The following ZNF804B variants were observed in gnomAD, a reference collection of about 807,000 sequenced individuals.
ZNF804B encodes the protein zinc finger protein 804B, also known as zinc finger 804B.
Under a neutral mutation model 101.4 loss-of-function variants are expected in ZNF804B, and 80 were observed. That is an observed-to-expected ratio of 0.79 (90% confidence interval 0.66 to 0.95). The LOEUF is 0.95. ZNF804B is among the 40% of genes least tolerant of loss of function. The pLI, the probability that ZNF804B is intolerant of heterozygous loss-of-function variation, is 0.00. For missense variants in ZNF804B, 1,673 were observed against 1,561.9 expected (o/e 1.07, Z -1.20); for synonymous variants, 622 against 558.8 (o/e 1.11, Z -1.59).
chr7:89,176,607 T>TTCA (rs1783898442), intron 1 of ZNF804B, among the ~76,000 whole-genome samples: 1 of 146,548 alleles, frequency 6.8e-6, no homozygotes, highest in African/African-American at 2.5e-5. Context: ...TTTTTTTTTT[T>TTCA]TCATGTTTCC....
intron 2 of ZNF804B, among the ~76,000 whole-genome samples, chr7:89,268,430 T>C (rs1013834041): frequency 2.0e-5 from 3 of 152,106 alleles, no homozygotes; most frequent in Admixed American, 6.6e-5. Flanking sequence ...TTCTTTAGAG[T>C]CTCTTCTCTG....
intron 2 of ZNF804B, among the ~76,000 whole-genome samples, chr7:89,319,294 TTAAGGGAA>T (rs1790778432): frequency 1.3e-5 from 2 of 152,202 alleles, no homozygotes; most frequent in Non-Finnish European, 2.9e-5. Context: ...TTTTAAAAAA[TTAAGGGAA>T]TTTTGGCTTA....
At chr7:88,935,619 A>G (rs915722232) in intron 1 of ZNF804B, among the ~76,000 whole-genome samples, 18 of 151,944 alleles carry the variant, frequency 1.2e-4, no homozygotes, top group African/African-American at 4.1e-4. Flanking sequence ...TTTCCTGCAC[A>G]TGCTGTTTCT....
rs5012128 is a variant in ZNF804B, at chr7:89,274,249, C to T, written c.250-53095C>T. 4.3e-5 allele frequency among the ~76,000 whole-genome samples: 6 copies of T among 139,362 alleles called. 1 individual carries two copies. The highest frequency in any genetic ancestry group is 1.1e-4 in the African/African-American group (4 of 36,556). The allele number at this position is 139,362 out of a possible 152,430, so 91.4% of individuals were successfully genotyped here. On this transcript the variant is annotated intron_variant, in intron 2 of 3. Transcript: ENST00000333190. The stretch of plus-strand genomic sequence containing the variant: ...TATGTATACATGTGCCATGCTGGTG[C>T]GCTGCACCCACTAACTCGTCATCTA...
intron 1 of ZNF804B, among the ~76,000 whole-genome samples, chr7:89,055,063 G>A (rs1316501147): frequency 2.0e-5 from 3 of 152,090 alleles, no homozygotes; most frequent in African/African-American, 7.2e-5. Flanking sequence ...GAGTTAAAGA[G>A]TGATGGGGTG....
intron 1 of ZNF804B, among the ~76,000 whole-genome samples, chr7:88,904,594 T>C (rs1792440529): frequency 6.6e-6 from 1 of 152,170 alleles, no homozygotes; most frequent in African/African-American, 2.4e-5. Flanking sequence ...CATGGAATAT[T>C]TTTTATTTAT....
chr7:89,269,029 T>G (rs1303748915), intron 2 of ZNF804B, among the ~76,000 whole-genome samples: 1 of 152,064 alleles, frequency 6.6e-6, no homozygotes, highest in South Asian at 2.1e-4. Flanking sequence ...TATTTTTTGG[T>G]AATAGAAAAA....
intron 1 of ZNF804B, among the ~76,000 whole-genome samples, chr7:88,937,314 A>T (rs1313043510): frequency 6.6e-6 from 1 of 152,066 alleles, no homozygotes; most frequent in Non-Finnish European, 1.5e-5. Context: ...ATTTATAGAT[A>T]AAGAAATACT....
chr7:88,943,056 C>G (rs1369110766), intron 1 of ZNF804B, among the ~76,000 whole-genome samples: 1 of 151,886 alleles, frequency 6.6e-6, no homozygotes, highest in Non-Finnish European at 1.5e-5. Context: ...TGCTTGCCAG[C>G]TGCAAACCAC....
At chr7:88,854,544 T>TTCCC (rs1791524530) in intron 1 of ZNF804B, among the ~76,000 whole-genome samples, 1 of 109,744 alleles carries the variant, frequency 9.1e-6, no homozygotes, top group Non-Finnish European at 1.8e-5. Flanking sequence ...CCTTCCTTCC[T>TTCCC]TCCTTCCTTC....
At chr7:88,886,269 A>T (rs1350708156) in intron 1 of ZNF804B, among the ~76,000 whole-genome samples, 1 of 151,988 alleles carries the variant, frequency 6.6e-6, no homozygotes. Context: ...GCATGGATGT[A>T]TATTTGTAGG....
chr7:88,861,975 G>T (rs1008101222), intron 1 of ZNF804B, among the ~76,000 whole-genome samples: 26 of 152,134 alleles, frequency 1.7e-4, no homozygotes, highest in African/African-American at 6.3e-4. Flanking sequence ...GGGACCCAAT[G>T]CTAAGGACAA....
intron 1 of ZNF804B, among the ~76,000 whole-genome samples, chr7:88,969,381 A>G (rs1488226080): frequency 6.6e-6 from 1 of 151,656 alleles, no homozygotes; most frequent in Admixed American, 6.6e-5. Context: ...GATGAGGTTA[A>G]TGCAATGGGT....
At chr7:89,172,934 G>T (rs2116437111) in intron 1 of ZNF804B, among the ~76,000 whole-genome samples, 1 of 152,260 alleles carries the variant, frequency 6.6e-6, no homozygotes, top group South Asian at 2.1e-4. Context: ...AGTGCTTGGT[G>T]AAAACGCATT....
At chr7:88,873,732 T>C (rs184163160) in intron 1 of ZNF804B, among the ~76,000 whole-genome samples, 422 of 152,316 alleles carry the variant, frequency 2.8e-3, no homozygotes, top group African/African-American at 9.7e-3. Context: ...ATGGAATCCC[T>C]TTTGCATTGC....
At chr7:89,055,901 A>C (rs1789285183) in intron 1 of ZNF804B, among the ~76,000 whole-genome samples, 1 of 152,052 alleles carries the variant, frequency 6.6e-6, no homozygotes, top group African/African-American at 2.4e-5. Flanking sequence ...CTCTGTCTGG[A>C]TGTGGTGATA....
chr7:88,976,499 A>G (rs1352702871), intron 1 of ZNF804B, among the ~76,000 whole-genome samples: 1 of 151,230 alleles, frequency 6.6e-6, no homozygotes, highest in Non-Finnish European at 1.5e-5. Context: ...ATTTGTACTT[A>G]TTGTCAATGA....
intron 1 of ZNF804B, among the ~76,000 whole-genome samples, chr7:89,018,418 A>G (rs1186384910): frequency 6.6e-6 from 1 of 151,852 alleles, no homozygotes; most frequent in Non-Finnish European, 1.5e-5. Context: ...ATTTGCTAAT[A>G]TTTTGTTGAG....
chr7:88,862,097 C>T (rs1037968950), intron 1 of ZNF804B, among the ~76,000 whole-genome samples: 1 of 152,182 alleles, frequency 6.6e-6, no homozygotes. Flanking sequence ...AAATAACGTA[C>T]TCAGTTTAAT....
Sources: allele counts gnomAD v4.1 joint callset (sites outside exome capture counted in the v4.1 genomes callset), GRCh38; gene constraint gnomAD v4.1.1; transcripts MANE v1.5; gene names NCBI Gene and HGNC (gene_info 2026-07-23, HGNC 2026-07-21).